Variants in LRRC9 observed in about 807,000 individuals in gnomAD.
LRRC9 encodes the protein leucine-rich repeat-containing protein 9.
In LRRC9, 122 loss-of-function variants were observed where a neutral mutation model predicts 63.2. The ratio of observed to expected loss-of-function variants is 1.93; its 90% CI spans 1.67 to 2.24. The LOEUF is 2.24. LRRC9 is among the 30% of genes most tolerant of loss of function. The pLI, the probability that LRRC9 is intolerant of heterozygous loss-of-function variation, is 0.00. For synonymous variants in LRRC9, 366 were observed against 213.1 expected, an observed-to-expected ratio of 1.72 and a Z score of -6.25; for missense variants, 1,071 against 627.7, an observed-to-expected ratio of 1.71 and a Z score of -7.55.
chr14:59,982,869 C>G (rs898388989), intron 16 of LRRC9, among the ~76,000 whole-genome samples: 1 of 152,140 alleles, frequency 6.6e-6, no homozygotes, highest in African/African-American at 2.4e-5. Flanking sequence ...TCCTGAATAA[C>G]CAATCAGCTC....
chr14:60,054,800 T>C (rs564038978), intron 30 of LRRC9, among the ~76,000 whole-genome samples: 2 of 152,242 alleles, frequency 1.3e-5, no homozygotes, highest in Admixed American at 1.3e-4. Flanking sequence ...CTTGCTCTGC[T>C]GCCCAGGCTG....
In LRRC9 at chr14:60,004,881, T is replaced by TACACACAC. The variant is rs10550604; in HGVS notation, c.2842+1100_2842+1107dup. ...AAAGAGAAATATGTATATGTGTGTA[T>TACACACAC]ACACACACACACACACACACACACT... On this transcript the variant is annotated intron_variant, in intron 21 of 31. Transcript: ENST00000445360. This position sits in a 1 kb window ranked among gnomAD's most constrained non-coding sequence, Gnocchi z 4.8. 0.029 allele frequency among the ~76,000 whole-genome samples: 4,401 copies of TACACACAC among 150,324 alleles called. 178 individuals are homozygous for TACACACAC. The highest frequency in any genetic ancestry group is 0.1 in the African/African-American group (4,154 of 41,082).
intron 27 of LRRC9, among the ~76,000 whole-genome samples, chr14:60,025,183 G>A (rs539119215): frequency 1.5e-4 from 23 of 151,478 alleles, no homozygotes; most frequent in African/African-American, 3.9e-4. Context: ...CTCAACCTCC[G>A]GAGCCCAAGT....
chr14:60,019,949 T>C (rs976603215), intron 26 of LRRC9, among the ~76,000 whole-genome samples: 2 of 151,792 alleles, frequency 1.3e-5, no homozygotes, highest in African/African-American at 4.8e-5. Flanking sequence ...GAACATTCCT[T>C]GTGCTTTTTA....
chr14:60,064,923 T>C (rs1894846785), downstream of LRRC9, among the ~76,000 whole-genome samples: 1 of 152,184 alleles, frequency 6.6e-6, no homozygotes, highest in Non-Finnish European at 1.5e-5. Flanking sequence ...TAGAAATATA[T>C]AAAGCAGAAA....
Position 60,053,347 on chromosome 14 carries a change from A to G in LRRC9, c.4131+142A>G. Reference sequence around the variant, plus strand: ...TAGTATCTATTTAGTGATTACTATCAAAGGCAGCTGGATTTGGTGAATAGA... The same window carrying G: ...TAGTATCTATTTAGTGATTACTATCGAAGGCAGCTGGATTTGGTGAATAGA... On this transcript the variant is annotated intron_variant, in intron 30 of 31. Transcript: ENST00000445360. This position sits in a 1 kb window ranked among gnomAD's most constrained non-coding sequence, Gnocchi z 4.8. 3.6e-6 allele frequency: 2 copies of G among 555,336 alleles called. No homozygotes were observed. Among genetic ancestry groups the G allele is most frequent in the Non-Finnish European group, 6.4e-6 (2 of 311,256 alleles). The allele number at this position is 555,336 out of a possible 1,614,324, so 34.4% of individuals were successfully genotyped here.
intron 8 of LRRC9, among the ~76,000 whole-genome samples, chr14:59,945,302 A>T (rs906452895): frequency 6.6e-6 from 1 of 151,984 alleles, no homozygotes; most frequent in African/African-American, 2.4e-5. Context: ...GCATTATTTA[A>T]CTCAAAACGG....
In LRRC9 at chr14:59,977,224, G is replaced by T; in HGVS notation, c.1640-1G>T. On this transcript the variant is annotated splice_acceptor_variant, in intron 13 of 31. Transcript: ENST00000445360. LOFTEE classifies it high-confidence loss of function. ...AATTACTTCTGTTTTTTTATATTTAGGCATCCTCCTCATTACAAAAGTTTT... is the reference window on the plus strand; with the variant it reads ...AATTACTTCTGTTTTTTTATATTTATGCATCCTCCTCATTACAAAAGTTTT... The T allele has an allele frequency of 1.5e-6, 1 of 666,106 alleles. No homozygotes were observed. The highest frequency in any genetic ancestry group is 1.6e-5 in the South Asian group (1 of 60,702). The allele number at this position is 666,106 out of a possible 1,614,324, so 41.3% of individuals were successfully genotyped here.
Position 59,927,026 on chromosome 14 carries a change from TTACATTTG to T in LRRC9, c.-33-882_-33-875del, listed in dbSNP as rs1889267070. Among the ~76,000 whole-genome samples the T allele has an allele frequency of 1.3e-5, 2 of 152,294 alleles. No individual in the cohort carries two copies. The highest frequency in any genetic ancestry group is 4.1e-4 in the South Asian group (2 of 4,824). ...TTGCCTAGATCTCTCCCATCCAGCT[TTACATTTG>T]TATTCTGGCCACAAAGGCTTTCACC... On this transcript the variant is annotated intron_variant, in intron 1 of 31. Transcript: ENST00000445360. The surrounding 1 kb of genome is among the most constrained non-coding windows in gnomAD (Gnocchi z 4.4).
intron 21 of LRRC9, among the ~76,000 whole-genome samples, chr14:60,006,020 A>T (rs913771748): frequency 1.3e-5 from 2 of 152,240 alleles, no homozygotes; most frequent in Admixed American, 1.3e-4. Context: ...ATATTTAAAA[A>T]TGAGGGCTGG....
At position 60,031,950 on chromosome 14, in the gene LRRC9, G is replaced by A. The variant is rs1371553165; in HGVS notation, c.3922-45G>A. 2 of 687,288 alleles carry A rather than the reference G, an allele frequency of 2.9e-6. No individual in the cohort carries two copies. The highest frequency in any genetic ancestry group is 1.6e-5 in the South Asian group (1 of 64,122). 42.6% of individuals were successfully genotyped at this position (687,288 alleles called of 1,614,324 possible). A position where few individuals can be genotyped will look rare whatever the true frequency, so the allele number is the denominator to read the frequency against. Reference sequence around the variant, plus strand: ...TTCAAATTAGTCTATATTTTAAGATGTTGAGTCTAACCAAATAATAACTTA... The same window carrying A: ...TTCAAATTAGTCTATATTTTAAGATATTGAGTCTAACCAAATAATAACTTA... On this transcript the variant is annotated intron_variant, in intron 28 of 31. Coordinates refer to ENST00000445360, the Ensembl canonical transcript of LRRC9. This position sits in a 1 kb window ranked among gnomAD's most constrained non-coding sequence, Gnocchi z 4.6.
chr14:59,969,446 G>T (rs556330395), intron 12 of LRRC9: 1 of 152,318 alleles, frequency 6.6e-6, no homozygotes, highest in Non-Finnish European at 1.5e-5. Context: ...TAAAAGATCA[G>T]ATGAGCTACA....
chr14:59,995,316 C>G (rs1888643259), intron 17 of LRRC9, among the ~76,000 whole-genome samples: 1 of 152,140 alleles, frequency 6.6e-6, no homozygotes. Context: ...TTAGTGTTGA[C>G]TAGGGAAAGA....
At position 59,932,753 on chromosome 14, in the gene LRRC9, G is replaced by T. The variant is rs137893159; in HGVS notation, c.543+714G>T. Among the ~76,000 whole-genome samples the T allele has an allele frequency of 9.9e-5, 15 of 152,034 alleles. No individual in the cohort carries two copies. Among genetic ancestry groups the T allele is most frequent in the African/African-American group, 3.6e-4 (15 of 41,468 alleles). ...TTCAAGACACTATCATCTCTAACCTGCATTAATGAAAAATATCTTCCTAAC... is the reference window on the plus strand; with the variant it reads ...TTCAAGACACTATCATCTCTAACCTTCATTAATGAAAAATATCTTCCTAAC... On this transcript the variant is annotated intron_variant, in intron 6 of 31. Transcript: ENST00000445360. This position sits in a 1 kb window ranked among gnomAD's most constrained non-coding sequence, Gnocchi z 4.7.
At chr14:60,047,919 A>G (rs1024088453) in intron 29 of LRRC9, among the ~76,000 whole-genome samples, 1 of 152,238 alleles carries the variant, frequency 6.6e-6, no homozygotes, top group Admixed American at 6.5e-5. Flanking sequence ...CAAACGCAAA[A>G]GGACTGAAAT....
At chr14:59,991,870 G>C (rs900419535) in intron 17 of LRRC9, among the ~76,000 whole-genome samples, 1 of 152,216 alleles carries the variant, frequency 6.6e-6, no homozygotes, top group Non-Finnish European at 1.5e-5. Context: ...TGCCTCTGTA[G>C]ACTCCACCTC....
chr14:60,056,903 A>G (rs922405576), intron 30 of LRRC9, among the ~76,000 whole-genome samples: 13 of 152,194 alleles, frequency 8.5e-5, no homozygotes, highest in Non-Finnish European at 1.5e-4. Context: ...GAAATAAATG[A>G]AATCTAAAGT....
intron 8 of LRRC9, 39 bp downstream of exon 8, chr14:59,944,783 T>C (rs974652314): frequency 4.9e-6 from 3 of 608,230 alleles, no homozygotes; most frequent in Admixed American, 3.2e-5. Flanking sequence ...GGCCATACCT[T>C]AAGAAAACCG....
chr14:60,008,583 T>G (rs2140236916), intron 23 of LRRC9, among the ~76,000 whole-genome samples: 1 of 152,304 alleles, frequency 6.6e-6, no homozygotes, highest in South Asian at 2.1e-4. Flanking sequence ...TAGTTGCTAA[T>G]ATTAATAATT....
Sources: gnomAD v4.1 joint callset for allele counts (sites outside exome capture counted in the v4.1 genomes callset) on GRCh38, gnomAD v4.1.1 for gene constraint, Gnocchi (gnomAD v3.1) non-coding constraint, MANE v1.5 for transcripts, NCBI Gene and HGNC (gene_info 2026-07-23, HGNC 2026-07-21) for gene names.